ADAMTS12: variants seen among roughly 807,000 people sequenced by gnomAD.
The protein encoded by ADAMTS12 is ADAM metallopeptidase with thrombospondin type 1 motif 12.
Under a neutral mutation model 167.8 loss-of-function variants are expected in ADAMTS12, and 118 were observed. The observed-to-expected ratio is 0.70, with a 90% CI of 0.61 to 0.82. The LOEUF (loss-of-function observed/expected upper bound fraction) is 0.82, where lower values mean the gene tolerates loss of function less well. Among genes scored for constraint, ADAMTS12 ranks in the 40% least tolerant of loss-of-function variants. The pLI is 0.00. For synonymous variants in ADAMTS12, 704 were observed against 716.9 expected, an observed-to-expected ratio of 0.98 and a Z score of 0.29; for missense variants, 1,916 against 1,998.8, an observed-to-expected ratio of 0.96 and a Z score of 0.79.
At chr5:33,590,061 A>C (rs1747556866) in intron 17 of ADAMTS12, among the ~76,000 whole-genome samples, 1 of 152,198 alleles carries the variant, frequency 6.6e-6, no homozygotes, top group Non-Finnish European at 1.5e-5. Flanking sequence ...ATGATGTGAA[A>C]CCAAATAAGT....
intron 2 of ADAMTS12, among the ~76,000 whole-genome samples, chr5:33,828,730 A>G (rs7380826): frequency 0.97 from 148,140 of 152,252 alleles, 72,210 homozygotes; most frequent in East Asian, 1. Flanking sequence ...AATCCACCCT[A>G]GGCAGAGGTA....
chr5:33,631,473 C>T (rs923203404), intron 12 of ADAMTS12, among the ~76,000 whole-genome samples: 1 of 109,522 alleles, frequency 9.1e-6, no homozygotes, highest in African/African-American at 2.6e-5. Flanking sequence ...CATGTAGAAA[C>T]ATTTTTTTTG....
chr5:33,740,899 G>C (rs912379729), intron 3 of ADAMTS12, among the ~76,000 whole-genome samples: 1 of 152,214 alleles, frequency 6.6e-6, no homozygotes, highest in Non-Finnish European at 1.5e-5. Context: ...CCAGGCCCCA[G>C]CTCGTGCTCC....
intron 2 of ADAMTS12, among the ~76,000 whole-genome samples, chr5:33,814,164 CT>C (rs1747563730): frequency 6.6e-6 from 1 of 152,114 alleles, no homozygotes; most frequent in South Asian, 2.1e-4. Context: ...GGAATTGCTC[CT>C]TGCTCCAATG....
chr5:33,587,562 C>T (rs1199556536), intron 18 of ADAMTS12, among the ~76,000 whole-genome samples: 1 of 152,182 alleles, frequency 6.6e-6, no homozygotes, highest in African/African-American at 2.4e-5. Context: ...TCAAGCGATC[C>T]TCCTGCCTCA....
At chr5:33,866,427 A>G (rs1749824300) in intron 2 of ADAMTS12, among the ~76,000 whole-genome samples, 1 of 152,132 alleles carries the variant, frequency 6.6e-6, no homozygotes, top group African/African-American at 2.4e-5. Context: ...CCCATCTCTC[A>G]CCTTATACAA....
At chr5:33,561,239 A>G in intron 19 of ADAMTS12, 60 bp from the exon 20 acceptor site, 2 of 1,580,040 alleles carry the variant, frequency 1.3e-6, no homozygotes, top group South Asian at 2.2e-5. Flanking sequence ...CACATGCCCC[A>G]TCACTGGGAT....
intron 16 of ADAMTS12, among the ~76,000 whole-genome samples, chr5:33,604,768 CA>C (rs1738358063): frequency 6.6e-6 from 1 of 151,484 alleles, no homozygotes; most frequent in Non-Finnish European, 1.5e-5. Flanking sequence ...AGTAAAACTG[CA>C]AAAGTATTAG....
chr5:33,881,708 A>G (rs990348616), intron 1 of ADAMTS12, among the ~76,000 whole-genome samples: 5 of 149,032 alleles, frequency 3.4e-5, no homozygotes, highest in Non-Finnish European at 5.9e-5. Flanking sequence ...GATTACAGGC[A>G]TGTGCCACAA....
chr5:33,806,847 C>T (rs1747256406), intron 2 of ADAMTS12, among the ~76,000 whole-genome samples: 1 of 152,190 alleles, frequency 6.6e-6, no homozygotes, highest in Non-Finnish European at 1.5e-5. Context: ...CGGCTGTCAT[C>T]CATCCAGCTG....
intron 12 of ADAMTS12, among the ~76,000 whole-genome samples, chr5:33,636,020 T>C (rs1740176201): frequency 1.3e-5 from 2 of 152,212 alleles, no homozygotes; most frequent in Admixed American, 1.3e-4. Flanking sequence ...TGATGTCAAC[T>C]TGTATAACGC....
chr5:33,765,937 C>T (rs917816308), intron 2 of ADAMTS12, among the ~76,000 whole-genome samples: 1 of 152,178 alleles, frequency 6.6e-6, no homozygotes, highest in Non-Finnish European at 1.5e-5. Flanking sequence ...TTAGATATAA[C>T]AGGAAACACC....
rs747211534 is a variant in ADAMTS12, at chr5:33,577,056, C to G, written c.2970G>C (p.Leu990=). ...DVTRKPNSRA[L]CGLQQCPSSR... ...TAGAAGGGCATTGCTGGAGGCCACA[C>G]AGAGCTCGGCTGTTGGGTTTCCTTG... Residue 990 remains leucine, a synonymous_variant, in exon 19 of 24, where the codon CTG becomes CTC. Transcript: ENST00000504830. 2 of 1,614,196 alleles carry G rather than the reference C, an allele frequency of 1.2e-6. No individual in the cohort carries two copies. The highest frequency in any genetic ancestry group is 1.7e-4 in the Middle Eastern group (1 of 6,060).
chr5:33,816,978 T>G (rs895365), intron 2 of ADAMTS12, among the ~76,000 whole-genome samples: 1 of 151,412 alleles, frequency 6.6e-6, no homozygotes, highest in Non-Finnish European at 1.5e-5. Context: ...TAGTTTACGG[T>G]GCTTCCTCTC....
intron 21 of ADAMTS12, among the ~76,000 whole-genome samples, chr5:33,548,934 C>G (rs780368801): frequency 6.6e-6 from 1 of 152,180 alleles, no homozygotes; most frequent in Non-Finnish European, 1.5e-5. Context: ...CACCAATTCC[C>G]CAGTATATCC....
intron 2 of ADAMTS12, among the ~76,000 whole-genome samples, chr5:33,822,030 C>T (rs367737479): frequency 5.3e-5 from 8 of 152,110 alleles, no homozygotes; most frequent in East Asian, 1.9e-4. Flanking sequence ...TTTGTTTTTA[C>T]AAATGTCCTC....
chr5:33,648,886 T>C lies in ADAMTS12; in HGVS notation c.1415A>G (p.Tyr472Cys), dbSNP rs766960493. 18 of 1,614,076 alleles carry C rather than the reference T, an allele frequency of 1.1e-5. No homozygotes were observed. The highest frequency in any genetic ancestry group is 6.7e-5 in the East Asian group (3 of 44,860). ...KSKVIAPGVIYDVHHQCQLQY... is the reference protein window; with the variant it reads ...KSKVIAPGVICDVHHQCQLQY... ...TAGCTGGCACTGGTGGTGAACATCA[T>C]AGATCACTCCGGGGGCAATGACCTT... Residue 472 changes from tyrosine (Y) to cysteine (C), a missense_variant, in exon 9 of 24, where the codon TAT (tyrosine) becomes TGT (cysteine). Physicochemically the swap from Tyr to Cys is radical, Grantham distance 194. Coordinates refer to ENST00000504830, the MANE Select transcript of ADAMTS12 (RefSeq NM_030955.4).
At chr5:33,646,541 G>A (rs757758274) in intron 9 of ADAMTS12, among the ~76,000 whole-genome samples, 1 of 152,020 alleles carries the variant, frequency 6.6e-6, no homozygotes, top group Non-Finnish European at 1.5e-5. Context: ...AACCACACTC[G>A]CCCCCATGCT....
rs1363840152 is a variant in ADAMTS12 at position 33,576,182 on chromosome 5, C to G, written c.3844G>C (p.Glu1282Gln). 1.2e-6 allele frequency: 2 copies of G among 1,614,194 alleles called. No homozygotes were observed. Among genetic ancestry groups the G allele is most frequent in the Non-Finnish European group, 1.7e-6 (2 of 1,180,032 alleles). ...GCATCCTCCTCAGTCAGGACTGGTT[C>G]AGAACTTTTTGTTTGGTTCATGTTG... is the stretch of plus-strand genomic sequence containing the variant. ...PNNMNQTKSSEPVLTEEDATS... is the reference protein window; with the variant it reads ...PNNMNQTKSSQPVLTEEDATS... Residue 1282 changes from glutamate (E) to glutamine (Q), a missense_variant, in exon 19 of 24, where the codon GAA becomes CAA. Glu to Gln is a conservative substitution (Grantham distance 29). Coordinates refer to ENST00000504830, the MANE Select transcript of ADAMTS12 (RefSeq NM_030955.4).
Sources: allele counts gnomAD v4.1 joint callset (sites outside exome capture counted in the v4.1 genomes callset), GRCh38; gene constraint gnomAD v4.1.1; transcripts MANE v1.5; gene names NCBI Gene and HGNC (gene_info 2026-07-23, HGNC 2026-07-21).